Variants in MTNR1B observed in about 807,000 individuals in gnomAD.
MTNR1B encodes melatonin receptor type 1B.
Under a neutral mutation model 7.0 loss-of-function variants are expected in MTNR1B, and 7 were observed. The observed-to-expected ratio is 1.00, with a 90% confidence interval of 0.57 to 1.88. The LOEUF is 1.88. Among genes scored for constraint, MTNR1B ranks in the 40% most tolerant of loss-of-function variants. The pLI, the probability that MTNR1B is intolerant of heterozygous loss-of-function variation, is 0.00. For synonymous variants in MTNR1B, 226 were observed against 208.2 expected (o/e 1.09, Z -0.74); for missense variants, 478 against 486.5 (o/e 0.98, Z 0.16).
chr11:92,981,943 G>C lies in MTNR1B; in HGVS notation c.720G>C (p.Leu240=), dbSNP rs144029979. 1.5e-5 allele frequency: 24 copies of C among 1,614,234 alleles called. No homozygotes were observed. Among genetic ancestry groups the C allele is most frequent in the Non-Finnish European group, 1.8e-5 (21 of 1,180,040 alleles). ...GGAAAGCCAAGCCAGAGAGCAGGCTGTGCCTGAAGCCCAGCGACTTGCGGA... is the reference window on the plus strand; with the variant it reads ...GGAAAGCCAAGCCAGAGAGCAGGCTCTGCCTGAAGCCCAGCGACTTGCGGA... ...ARRKAKPESR[L]CLKPSDLRSF... Residue 240 remains leucine (L), a synonymous_variant, in exon 2 of 2, where the codon CTG becomes CTC. Coordinates refer to ENST00000257068, the MANE Select transcript of MTNR1B (RefSeq NM_005959.5).
intron 1 of MTNR1B, 110 bp from the exon 2 acceptor site, chr11:92,981,337 C>T: frequency 6.9e-7 from 1 of 1,441,152 alleles, no homozygotes; most frequent in Non-Finnish European, 9.3e-7. Flanking sequence ...CTCTAAGAGC[C>T]ACTTGGTTTC....
At chr11:92,973,409 A>G (rs775164129) in intron 1 of MTNR1B, among the ~76,000 whole-genome samples, 1 of 152,114 alleles carries the variant, frequency 6.6e-6, no homozygotes, top group Non-Finnish European at 1.5e-5. Flanking sequence ...CTCCATCTCC[A>G]GAACAGTGTC....
intron 1 of MTNR1B, among the ~76,000 whole-genome samples, chr11:92,977,053 T>C (rs1180960253): frequency 6.6e-6 from 1 of 152,262 alleles, no homozygotes; most frequent in Admixed American, 6.5e-5. Flanking sequence ...TGATCTCTTT[T>C]GATGGTTATT....
intron 1 of MTNR1B, among the ~76,000 whole-genome samples, chr11:92,975,586 ATATT>A (rs1857999104): frequency 6.6e-6 from 1 of 152,164 alleles, no homozygotes; most frequent in Non-Finnish European, 1.5e-5. Flanking sequence ...CCTGATGGGA[ATATT>A]CTGCCTATGC....
At chr11:92,983,514 G>A (rs1448743563), downstream of MTNR1B, among the ~76,000 whole-genome samples, 1 of 139,890 alleles carries the variant, frequency 7.1e-6, no homozygotes, top group Non-Finnish European at 1.5e-5. Flanking sequence ...GCAAGACCCT[G>A]TCTCAGAAAA....
intron 1 of MTNR1B, among the ~76,000 whole-genome samples, chr11:92,980,597 T>C: frequency 6.6e-6 from 1 of 152,182 alleles, no homozygotes; most frequent in East Asian, 1.9e-4. Flanking sequence ...CCTGAGGCTC[T>C]CTCTGGTTGA....
At chr11:92,971,256 C>T (rs773663656) in intron 1 of MTNR1B, among the ~76,000 whole-genome samples, 18 of 152,206 alleles carry the variant, frequency 1.2e-4, no homozygotes, top group Middle Eastern at 3.4e-3. Context: ...CCACTGCGCC[C>T]GGCCAACTCT....
intron 1 of MTNR1B, among the ~76,000 whole-genome samples, chr11:92,972,302 C>G (rs556329850): frequency 6.6e-6 from 1 of 152,254 alleles, no homozygotes; most frequent in South Asian, 2.1e-4. Context: ...AGATACATAG[C>G]CCATATTGAG....
chr11:92,969,780 C>T lies in MTNR1B; in HGVS notation c.55C>T (p.Arg19Cys), dbSNP rs1345298351. The T allele has an allele frequency of 6.5e-7, 1 of 1,541,272 alleles. No individual in the cohort carries two copies. The highest frequency in any genetic ancestry group is 8.7e-7 in the Non-Finnish European group (1 of 1,143,782). ...CTGCGAGGCGGGCGGGTGGGCAGTG[C>T]GCCCGGGCTGGTCGGGGGCTGGCAG... Reference protein sequence around the residue: ...NCCEAGGWAVRPGWSGAGSAR... With the variant: ...NCCEAGGWAVCPGWSGAGSAR... Residue 19 changes from arginine to cysteine, a missense_variant, in exon 1 of 2, where the codon CGC becomes TGC. Transcript: ENST00000257068.
intron 1 of MTNR1B, among the ~76,000 whole-genome samples, chr11:92,977,371 C>A (rs995420983): frequency 3.9e-5 from 6 of 152,162 alleles, no homozygotes; most frequent in Non-Finnish European, 8.8e-5. Flanking sequence ...GTTTGAAAAT[C>A]AAGTTGTGAA....
At position 92,981,565 on chromosome 11, in the gene MTNR1B, G is replaced by A. The variant is rs1565180910; in HGVS notation, c.342G>A (p.Lys114=). The change falls in exon 2 of 2, where the codon AAG becomes AAA. Residue 114 remains lysine (K), a synonymous_variant. Coordinates refer to ENST00000257068, the MANE Select transcript of MTNR1B (RefSeq NM_005959.5). The stretch of plus-strand genomic sequence containing the variant: ...GGGCCCTGGGGGAGGAGCACTGCAA[G>A]GCCAGCGCCTTTGTGATGGGCCTGA... ...DGWALGEEHC[K]ASAFVMGLSV... The A allele has an allele frequency of 6.2e-7, 1 of 1,614,170 alleles. No individual in the cohort carries two copies. Among genetic ancestry groups the A allele is most frequent in the Non-Finnish European group, 8.5e-7 (1 of 1,180,042 alleles).
intron 1 of MTNR1B, among the ~76,000 whole-genome samples, chr11:92,971,970 C>T (rs967776991): frequency 4.6e-5 from 7 of 152,196 alleles, no homozygotes; most frequent in Non-Finnish European, 8.8e-5. Context: ...GACATCAATT[C>T]CTGCCACTGC....
In MTNR1B at chr11:92,982,487, G is replaced by C. The variant is rs1858128487; in HGVS notation, c.*175G>C. ...CAGCCCATCAACGCCATGGGTTCAG[G>C]CTGATCCAGGAGATGCTCACAGGCC... On this transcript the variant is annotated 3_prime_UTR_variant, in exon 2 of 2. Coordinates refer to ENST00000257068, the MANE Select transcript of MTNR1B (RefSeq NM_005959.5). 1.3e-6 allele frequency: 1 copy of C among 743,416 alleles called. No individual in the cohort carries two copies. The highest frequency in any genetic ancestry group is 1.9e-5 in the South Asian group (1 of 52,360). The allele number at this position is 743,416 out of a possible 1,614,324, so 46.1% of individuals were successfully genotyped here. A position where few individuals can be genotyped will look rare whatever the true frequency, so the allele number is the denominator to read the frequency against.
Position 92,981,919 on chromosome 11 carries a change from G to A in MTNR1B, c.696G>A (p.Arg232=). ...GGGTGCTGGTGCTTCAGGCCCGCAG[G>A]AAAGCCAAGCCAGAGAGCAGGCTGT... ...RIWVLVLQAR[R]KAKPESRLCL... The change falls in exon 2 of 2, where the codon AGG becomes AGA. Residue 232 remains arginine, a synonymous_variant. Coordinates refer to ENST00000257068, the MANE Select transcript of MTNR1B (RefSeq NM_005959.5). The A allele has an allele frequency of 6.2e-7, 1 of 1,614,224 alleles. No homozygotes were observed. The highest frequency in any genetic ancestry group is 1.1e-5 in the South Asian group (1 of 91,086).
chr11:92,977,393 G>A (rs951050291), intron 1 of MTNR1B, among the ~76,000 whole-genome samples: 5 of 152,176 alleles, frequency 3.3e-5, no homozygotes, highest in African/African-American at 1.2e-4. Flanking sequence ...AAATTATATG[G>A]TCAATTATTT....
At chr11:92,974,838 G>A (rs567875775) in intron 1 of MTNR1B, among the ~76,000 whole-genome samples, 114 of 152,222 alleles carry the variant, frequency 7.5e-4, no homozygotes, top group Non-Finnish European at 1.2e-3. Context: ...TCCTGACCTC[G>A]TGATCCGCCC....
At chr11:92,978,582 T>C (rs1024120349) in intron 1 of MTNR1B, among the ~76,000 whole-genome samples, 1 of 152,186 alleles carries the variant, frequency 6.6e-6, no homozygotes, top group African/African-American at 2.4e-5. Context: ...ATCATCCACA[T>C]AGGACCTGGC....
At chr11:92,974,040 A>C (rs1338764092) in intron 1 of MTNR1B, among the ~76,000 whole-genome samples, 1 of 152,216 alleles carries the variant, frequency 6.6e-6, no homozygotes, top group Non-Finnish European at 1.5e-5. Flanking sequence ...GCATGAAGGC[A>C]TGCTTGTTCT....
At chr11:92,978,964 T>A (rs923021306) in intron 1 of MTNR1B, among the ~76,000 whole-genome samples, 2 of 152,190 alleles carry the variant, frequency 1.3e-5, no homozygotes, top group African/African-American at 4.8e-5. Flanking sequence ...TGTGTGTTGC[T>A]GGGCCAGGTG....
Sources: gnomAD v4.1 joint callset for allele counts (sites outside exome capture counted in the v4.1 genomes callset) on GRCh38, gnomAD v4.1.1 for gene constraint, MANE v1.5 for transcripts, NCBI Gene and HGNC (gene_info 2026-07-23, HGNC 2026-07-21) for gene names.